NRG1: variants seen among roughly 807,000 people sequenced by gnomAD.
NRG1 encodes the protein pro-neuregulin-1, membrane-bound isoform.
NRG1 carries 18 observed loss-of-function variants against 63.8 expected under a neutral mutation model. The ratio of observed to expected loss-of-function variants is 0.28; its 90% CI spans 0.19 to 0.42. The LOEUF is 0.42. Among genes scored for constraint, NRG1 ranks in the 10% least tolerant of loss-of-function variants. NRG1 has a pLI of 1.00. For missense variants in NRG1, 762 were observed against 814.7 expected (o/e 0.94, Z 0.79); for synonymous variants, 302 against 301.3 (o/e 1.00, Z -0.02).
At chr8:32,062,071 G>A (rs1363235555) in intron 1 of NRG1, among the ~76,000 whole-genome samples, 4 of 151,986 alleles carry the variant, frequency 2.6e-5, no homozygotes, top group African/African-American at 7.2e-5. Flanking sequence ...ATGCACTTTC[G>A]AGGCATGTCA....
intron 1 of NRG1, among the ~76,000 whole-genome samples, chr8:31,839,820 C>T (rs1375428482): frequency 6.6e-6 from 1 of 152,176 alleles, no homozygotes; most frequent in Non-Finnish European, 1.5e-5. Flanking sequence ...TCGCTGGGCT[C>T]AGTCAGGTCT....
chr8:32,481,788 G>A (rs1185826471), intron 1 of NRG1, among the ~76,000 whole-genome samples: 4 of 152,196 alleles, frequency 2.6e-5, no homozygotes, highest in African/African-American at 9.7e-5. Flanking sequence ...GGGCCTTCCA[G>A]TTGCCTTAAA....
intron 1 of NRG1, among the ~76,000 whole-genome samples, chr8:31,900,688 T>C (rs1234051307): frequency 6.6e-6 from 1 of 152,126 alleles, no homozygotes; most frequent in Admixed American, 6.5e-5. Flanking sequence ...ACATATCCCA[T>C]CCTGACTGCT....
At chr8:32,731,012 T>C (rs1823519258) in intron 6 of NRG1, among the ~76,000 whole-genome samples, 1 of 152,128 alleles carries the variant, frequency 6.6e-6, no homozygotes, top group South Asian at 2.1e-4. Context: ...AGTAATGAAA[T>C]ATGATCATTT....
At chr8:32,566,950 C>G (rs751017395) in intron 1 of NRG1, among the ~76,000 whole-genome samples, 6 of 152,178 alleles carry the variant, frequency 3.9e-5, no homozygotes, top group Admixed American at 6.5e-5. Flanking sequence ...ACAAACGATT[C>G]TGTTGCCTCA....
At chr8:32,510,363 A>G (rs1829032793) in intron 1 of NRG1, among the ~76,000 whole-genome samples, 3 of 151,970 alleles carry the variant, frequency 2.0e-5, no homozygotes, top group Admixed American at 2.0e-4. Flanking sequence ...CCCTGTTTCA[A>G]AAAAATAAAA....
intron 1 of NRG1, among the ~76,000 whole-genome samples, chr8:32,438,365 C>G (rs1819052180): frequency 6.6e-6 from 1 of 152,048 alleles, no homozygotes; most frequent in African/African-American, 2.4e-5. Flanking sequence ...TGCTTGTGTA[C>G]TAGTAGTTCA....
chr8:32,769,201 C>G (rs117990325), downstream of NRG1, among the ~76,000 whole-genome samples: 5 of 152,026 alleles, frequency 3.3e-5, no homozygotes, highest in African/African-American at 9.7e-5. Flanking sequence ...GGCTTTGTAA[C>G]GAAATTGAAC....
chr8:32,230,291 G>C (rs1010617696), intron 1 of NRG1, among the ~76,000 whole-genome samples: 1 of 152,202 alleles, frequency 6.6e-6, no homozygotes. Context: ...CAGAGATAAA[G>C]TTGCAGAGAG....
chr8:32,707,956 T>C (rs1389922176), intron 5 of NRG1, among the ~76,000 whole-genome samples: 1 of 152,058 alleles, frequency 6.6e-6, no homozygotes, highest in Non-Finnish European at 1.5e-5. Flanking sequence ...GAAGTATTTT[T>C]TTTAATCTAC....
At chr8:31,963,871 C>T (rs183704050) in intron 1 of NRG1, among the ~76,000 whole-genome samples, 3 of 152,238 alleles carry the variant, frequency 2.0e-5, no homozygotes, top group African/African-American at 7.2e-5. Context: ...GTCAGTCATG[C>T]CATTTTAATA....
intron 1 of NRG1, among the ~76,000 whole-genome samples, chr8:32,511,187 A>C (rs1829151596): frequency 6.6e-6 from 1 of 150,800 alleles, no homozygotes; most frequent in East Asian, 1.9e-4. Context: ...TCATGGAGCA[A>C]CCAGACATAC....
intron 1 of NRG1, among the ~76,000 whole-genome samples, chr8:32,181,494 A>G (rs1326631520): frequency 6.6e-6 from 1 of 152,216 alleles, no homozygotes; most frequent in Non-Finnish European, 1.5e-5. Flanking sequence ...TACTTGTTTA[A>G]TAAGTGAATT....
upstream of NRG1, among the ~76,000 whole-genome samples, chr8:32,544,086 A>G (rs911375089): frequency 6.6e-6 from 1 of 152,162 alleles, no homozygotes; most frequent in Non-Finnish European, 1.5e-5. Flanking sequence ...TCCTATTTAT[A>G]GTGATATTAT....
chr8:32,310,006 A>G lies in NRG1; in HGVS notation c.38-285822A>G, dbSNP rs73248780. ...AGATTTTGCTCAATGAACTTGATTCACTGCAGGGCTTTTTTTCCCACAAGC... is the reference window on the plus strand; with the variant it reads ...AGATTTTGCTCAATGAACTTGATTCGCTGCAGGGCTTTTTTTCCCACAAGC... On this transcript the variant is annotated intron_variant, in intron 1 of 10. Coordinates refer to the NRG1 transcript ENST00000519301. Among the ~76,000 whole-genome samples, 992 of 152,330 alleles carry G rather than the reference A, an allele frequency of 6.5e-3. 5 individuals carry two copies. Among genetic ancestry groups the G allele is most frequent in the Middle Eastern group, 0.027 (8 of 294 alleles).
intron 1 of NRG1, among the ~76,000 whole-genome samples, chr8:32,510,879 C>T (rs1237773746): frequency 6.6e-6 from 1 of 151,870 alleles, no homozygotes; most frequent in East Asian, 2.0e-4. Flanking sequence ...CAACTTCTCT[C>T]TCCAGGTTCT....
At chr8:32,070,317 A>C (rs2131019112) in intron 1 of NRG1, among the ~76,000 whole-genome samples, 1 of 152,242 alleles carries the variant, frequency 6.6e-6, no homozygotes, top group Non-Finnish European at 1.5e-5. Context: ...ATTTTTCTGA[A>C]TGTCCATTTT....
chr8:32,357,099 T>C (rs993807561), intron 1 of NRG1, among the ~76,000 whole-genome samples: 57 of 152,234 alleles, frequency 3.7e-4, no homozygotes, highest in East Asian at 1.4e-3. Flanking sequence ...GAGGCTGGCC[T>C]GGGGGAAAAG....
chr8:32,284,025 C>G (rs1319071626), intron 1 of NRG1, among the ~76,000 whole-genome samples: 3 of 152,074 alleles, frequency 2.0e-5, no homozygotes, highest in Admixed American at 6.5e-5. Flanking sequence ...CATAAAGGTA[C>G]TAGTTCTGGA....
Sources: allele counts gnomAD v4.1 joint callset (sites outside exome capture counted in the v4.1 genomes callset), GRCh38; gene constraint gnomAD v4.1.1; transcripts MANE v1.5; gene names NCBI Gene and HGNC (gene_info 2026-07-23, HGNC 2026-07-21).